NUDT5: variants seen among roughly 807,000 people sequenced by gnomAD.
The protein encoded by NUDT5 is ADP-sugar pyrophosphatase.
NUDT5 carries 21 observed loss-of-function variants against 34.1 expected under a neutral mutation model. That is an observed-to-expected ratio of 0.62 (90% confidence interval 0.44 to 0.89). The LOEUF is 0.89. NUDT5 is among the 40% of genes least tolerant of loss of function. The probability of loss-of-function intolerance (pLI) is 0.00; values close to 1 mark genes in which losing one functional copy is unlikely to be tolerated. For synonymous variants in NUDT5, 85 were observed against 97.6 expected (o/e 0.87, Z 0.76); for missense variants, 249 against 274.8 (o/e 0.91, Z 0.66).
chr10:12,172,680 A>G (rs1344907220), intron 7 of NUDT5, 85 bp downstream of exon 7: 5 of 855,244 alleles, frequency 5.8e-6, no homozygotes, highest in African/African-American at 4.9e-5. Flanking sequence ...GAAAGACTAC[A>G]TTCTTTTAAT....
At chr10:12,167,871 TTCAA>T (rs1737990266) in intron 9 of NUDT5, 60 bp from the exon 10 acceptor site, 5 of 1,604,908 alleles carry the variant, frequency 3.1e-6, no homozygotes, top group Admixed American at 1.7e-5. Flanking sequence ...AAACATCTTA[TTCAA>T]TCAGTGTTTG....
At chr10:12,179,014 T>C (rs754576542) in intron 4 of NUDT5, 69 bp downstream of exon 4, 1 of 1,323,398 alleles carries the variant, frequency 7.6e-7, no homozygotes, top group African/African-American at 1.4e-5. Flanking sequence ...TTGGTTCCAT[T>C]GAAAACCCTC....
At chr10:12,180,601 A>G (rs1835026958) in intron 3 of NUDT5, 1 of 152,252 alleles carries the variant, frequency 6.6e-6, no homozygotes, top group Non-Finnish European at 1.5e-5. Context: ...CATTGATAAG[A>G]AATCTCGGAA....
rs1485025946 is a variant in NUDT5, at chr10:12,173,757, C to G, written c.346G>C (p.Glu116Gln). ...GCAATGTCCCCTTTGTAGCCAGTTT[C>G]TTCTTCAAGCTCCCGGAGAGCAGCT... ...EAAALRELEE[E>Q]TGYKGDIAEC... The change falls in exon 6 of 10, where the codon GAA (glutamate) becomes CAA (glutamine). Residue 116 changes from glutamate to glutamine, a missense_variant. Transcript: ENST00000491614. The surrounding 1 kb of genome is among the most constrained non-coding windows in gnomAD (Gnocchi z 4.7). 3.1e-6 allele frequency: 5 copies of G among 1,613,982 alleles called. No individual in the cohort carries two copies. The South Asian group carries it at 4.4e-5, about 14-fold the overall frequency.
chr10:12,166,777 C>T lies in NUDT5; in HGVS notation c.*925G>A, dbSNP rs144449225. The T allele has an allele frequency of 5.9e-4, 290 of 491,224 alleles. 1 individual carries two copies. Among genetic ancestry groups the T allele is most frequent in the African/African-American group, 5.1e-3 (262 of 50,928 alleles). 30.4% of individuals were successfully genotyped at this position (491,224 alleles called of 1,614,324 possible). ...CAACACAAAAAGAGCTAAACTCACT[C>T]AAGAAGCTAAGAAAATGGCCCAGGA... On this transcript the variant is annotated 3_prime_UTR_variant, in exon 10 of 10. Coordinates refer to ENST00000491614, the MANE Select transcript of NUDT5 (RefSeq NM_014142.4).
chr10:12,172,227 T>C (rs1450033202), intron 7 of NUDT5, among the ~76,000 whole-genome samples: 1 of 151,846 alleles, frequency 6.6e-6, no homozygotes, highest in East Asian at 1.9e-4. Flanking sequence ...AGAAATATTA[T>C]AGAGCAAAGA....
intron 1 of NUDT5, among the ~76,000 whole-genome samples, chr10:12,188,253 C>T (rs1360461692): frequency 2.6e-5 from 4 of 152,226 alleles, no homozygotes; most frequent in African/African-American, 9.6e-5. Context: ...AGTGATCATA[C>T]TACCCATCTG....
rs939926713 is a variant in NUDT5, at chr10:12,187,133, C to T, written c.-41-801G>A. Among the ~76,000 whole-genome samples, 1 of 151,976 alleles carries T rather than the reference C, an allele frequency of 6.6e-6. No individual in the cohort carries two copies. Among genetic ancestry groups the T allele is most frequent in the Non-Finnish European group, 1.5e-5 (1 of 67,986 alleles). On this transcript the variant is annotated intron_variant, in intron 1 of 9. Coordinates refer to ENST00000491614, the MANE Select transcript of NUDT5 (RefSeq NM_014142.4). The surrounding 1 kb of genome is among the most constrained non-coding windows in gnomAD (Gnocchi z 5.4). The stretch of plus-strand genomic sequence containing the variant: ...CTGTAGCCTCTACCTCCCAAGCTCA[C>T]GTGCTCCTCGCATCTCAGCCTCCTG...
Position 12,170,016 on chromosome 10 carries a change from C to A in NUDT5, c.550+701G>T, listed in dbSNP as rs563355926. Reference sequence around the variant, plus strand: ...GGATTTGCCAGCCCATACAGAGGTGCTCCTTGAAGGGCCCATGGTATGTCT... The same window carrying A: ...GGATTTGCCAGCCCATACAGAGGTGATCCTTGAAGGGCCCATGGTATGTCT... On this transcript the variant is annotated intron_variant, in intron 9 of 9. Coordinates refer to ENST00000491614, the MANE Select transcript of NUDT5 (RefSeq NM_014142.4). This position sits in a 1 kb window ranked among gnomAD's most constrained non-coding sequence, Gnocchi z 4.9. 4 of 1,165,380 alleles carry A rather than the reference C, an allele frequency of 3.4e-6. No homozygotes were observed. Among genetic ancestry groups the A allele is most frequent in the Non-Finnish European group, 5.1e-6 (4 of 788,984 alleles). The allele number at this position is 1,165,380 out of a possible 1,614,324, so 72.2% of individuals were successfully genotyped here.
intron 1 of NUDT5, among the ~76,000 whole-genome samples, chr10:12,190,202 T>G (rs1458190645): frequency 1.3e-5 from 2 of 152,246 alleles, no homozygotes; most frequent in Non-Finnish European, 2.9e-5. Flanking sequence ...TTCTACAATT[T>G]CATTTATGAT....
chr10:12,177,386 G>T (rs1319707739), intron 5 of NUDT5, among the ~76,000 whole-genome samples: 3 of 150,616 alleles, frequency 2.0e-5, no homozygotes, highest in African/African-American at 7.3e-5. Context: ...GGGCGTGGTG[G>T]CGGGCGCCTG....
In NUDT5 at chr10:12,168,116, C is replaced by T. The variant is rs569944959; in HGVS notation, c.551-305G>A. Among the ~76,000 whole-genome samples, 1 of 152,116 alleles carries T rather than the reference C, an allele frequency of 6.6e-6. No homozygotes were observed. Among genetic ancestry groups the T allele is most frequent in the East Asian group, 1.9e-4 (1 of 5,172 alleles). On this transcript the variant is annotated intron_variant, in intron 9 of 9. Coordinates refer to ENST00000491614, the MANE Select transcript of NUDT5 (RefSeq NM_014142.4). The surrounding 1 kb of genome is among the most constrained non-coding windows in gnomAD (Gnocchi z 4.8). The stretch of plus-strand genomic sequence containing the variant: ...CTCGGCTCACTGCAACCTCTGCCTC[C>T]TGGGTTTAAGCGATTCTCCTGCCTC...
Position 12,177,991 on chromosome 10 carries a change from C to T in NUDT5, c.182-91G>A, listed in dbSNP as rs1187093315. On this transcript the variant is annotated intron_variant, in intron 4 of 9. Transcript: ENST00000491614. ...AGAGCAAGCTAATGAAAACCCCAGA[C>T]TTTAAGAAACTCCGTTTTAATCTAC... 18 of 800,762 alleles carry T rather than the reference C, an allele frequency of 2.2e-5. No homozygotes were observed. The Admixed American group carries it at 4.4e-4, about 20-fold the overall frequency. 49.6% of individuals were successfully genotyped at this position (800,762 alleles called of 1,614,324 possible).
chr10:12,182,957 G>A lies in NUDT5; in HGVS notation c.131+1932C>T, dbSNP rs1276516922. ...TCACAATGTTGGCCAGGCTGGTCTC[G>A]AACTCTTGACCTCAAGTGATCCACC... is the stretch of plus-strand genomic sequence containing the variant. On this transcript the variant is annotated intron_variant, in intron 3 of 9. Coordinates refer to ENST00000491614, the MANE Select transcript of NUDT5 (RefSeq NM_014142.4). This position sits in a 1 kb window ranked among gnomAD's most constrained non-coding sequence, Gnocchi z 4.3. 2.6e-5 allele frequency among the ~76,000 whole-genome samples: 4 copies of A among 152,100 alleles called. No homozygotes were observed. Among genetic ancestry groups the A allele is most frequent in the African/African-American group, 4.8e-5 (2 of 41,432 alleles).
chr10:12,174,158 G>A (rs942839209), intron 5 of NUDT5, among the ~76,000 whole-genome samples: 2 of 152,140 alleles, frequency 1.3e-5, no homozygotes, highest in South Asian at 2.1e-4. Context: ...GAGCCACTGC[G>A]CCCGGCTGAA....
rs554036248 is a variant in NUDT5 at position 12,178,091 on chromosome 10, T to C, written c.182-191A>G. Among the ~76,000 whole-genome samples, 5 of 152,244 alleles carry C rather than the reference T, an allele frequency of 3.3e-5. No homozygotes were observed. The South Asian group carries it at 1.0e-3, about 32-fold the overall frequency. ...CATCACTTCCATGTTGTTTACACTT[T>C]CTTTTTTAAACAAAAAGGCTGTTTA... On this transcript the variant is annotated intron_variant, in intron 4 of 9. Coordinates refer to ENST00000491614, the MANE Select transcript of NUDT5 (RefSeq NM_014142.4).
At chr10:12,188,340 T>C (rs1444872319) in intron 1 of NUDT5, among the ~76,000 whole-genome samples, 2 of 152,214 alleles carry the variant, frequency 1.3e-5, no homozygotes, top group African/African-American at 4.8e-5. Context: ...TGTATGAATA[T>C]TCATAAAGTG....
At chr10:12,178,649 G>C (rs1385318773) in intron 4 of NUDT5, among the ~76,000 whole-genome samples, 1 of 152,228 alleles carries the variant, frequency 6.6e-6, no homozygotes, top group African/African-American at 2.4e-5. Context: ...AGGGGAGGGT[G>C]AATGGAATAG....
In NUDT5 at chr10:12,166,759, A is replaced by G. The variant is rs1486956301; in HGVS notation, c.*943T>C. On this transcript the variant is annotated 3_prime_UTR_variant, in exon 10 of 10. Transcript: ENST00000491614. ...GCTGGAGGCCCTAAAAGTCAACACA[A>G]AAAGAGCTAAACTCACTCAAGAAGC... 1.8e-5 allele frequency: 9 copies of G among 501,292 alleles called. No homozygotes were observed. The highest frequency in any genetic ancestry group is 9.8e-5 in the African/African-American group (5 of 51,236). The allele number at this position is 501,292 out of a possible 1,614,324, so 31.1% of individuals were successfully genotyped here.
Sources: gnomAD v4.1 joint callset for allele counts (sites outside exome capture counted in the v4.1 genomes callset) on GRCh38, gnomAD v4.1.1 for gene constraint, Gnocchi (gnomAD v3.1) non-coding constraint, MANE v1.5 for transcripts, NCBI Gene and HGNC (gene_info 2026-07-23, HGNC 2026-07-21) for gene names.